KIFAP3: variants seen among roughly 807,000 people sequenced by gnomAD.
KIFAP3 encodes kinesin-associated protein 3.
Under a neutral mutation model 106.5 loss-of-function variants are expected in KIFAP3, and 68 were observed. The observed-to-expected ratio is 0.64, with a 90% CI of 0.53 to 0.78. The LOEUF is 0.78. Ranked by LOEUF, KIFAP3 falls within the 30% of genes least tolerant of loss-of-function variation. The pLI, the probability that KIFAP3 is intolerant of heterozygous loss-of-function variation, is 0.00. For missense variants in KIFAP3, 780 were observed against 941.8 expected (o/e 0.83, Z 2.25); for synonymous variants, 320 against 311.5 (o/e 1.03, Z -0.29).
chr1:169,975,906 C>T (rs1273334000), intron 16 of KIFAP3, among the ~76,000 whole-genome samples: 4 of 152,122 alleles, frequency 2.6e-5, no homozygotes, highest in Non-Finnish European at 5.9e-5. Flanking sequence ...GCACCATTAT[C>T]AACATGTTAT....
intron 17 of KIFAP3, among the ~76,000 whole-genome samples, chr1:169,970,244 A>G (rs1665839512): frequency 6.6e-6 from 1 of 151,978 alleles, no homozygotes; most frequent in African/African-American, 2.4e-5. Context: ...CTGCCTCCCC[A>G]AGCTACAAGT....
chr1:170,073,814 A>G (rs1290099238), intron 1 of KIFAP3, among the ~76,000 whole-genome samples: 2 of 152,170 alleles, frequency 1.3e-5, no homozygotes, highest in Non-Finnish European at 2.9e-5. Flanking sequence ...AAAAGAAATT[A>G]TGGCCTATTT....
At position 169,921,754 on chromosome 1, in the gene KIFAP3, T is replaced by C. The variant is rs375270125; in HGVS notation, c.2301A>G (p.Pro767=). Residue 767 remains proline (P), a synonymous_variant, in exon 20 of 20, where the codon CCA becomes CCG. Coordinates refer to ENST00000361580, the MANE Select transcript of KIFAP3 (RefSeq NM_014970.4). ...TGGCAGGGCGTCCAAGAATGCCAAC[T>C]GGTTGGCCAAAGCCATCCATTCCAA... is the stretch of plus-strand genomic sequence containing the variant. ...GSLGMDGFGQ[P]VGILGRPATA... 25 of 1,613,704 alleles carry C rather than the reference T, an allele frequency of 1.5e-5. No homozygotes were observed. Among genetic ancestry groups the C allele is most frequent in the African/African-American group, 2.7e-5 (2 of 74,896 alleles).
chr1:170,005,520 T>G (rs1406382338), intron 10 of KIFAP3, among the ~76,000 whole-genome samples: 2 of 152,000 alleles, frequency 1.3e-5, no homozygotes, highest in East Asian at 3.9e-4. Context: ...TGGAACACTA[T>G]GCAGCCATAA....
chr1:170,039,424 T>C (rs1669864153), intron 3 of KIFAP3, 136 bp from the exon 4 acceptor site: 1 of 546,382 alleles, frequency 1.8e-6, no homozygotes, highest in Non-Finnish European at 3.3e-6. Context: ...TAATCTCTTC[T>C]CAATGCATAA....
At chr1:170,066,990 TC>T (rs1671478863) in intron 1 of KIFAP3, among the ~76,000 whole-genome samples, 1 of 152,082 alleles carries the variant, frequency 6.6e-6, no homozygotes, top group Non-Finnish European at 1.5e-5. Flanking sequence ...AGAATAGTCA[TC>T]TTCAGAAAAA....
intron 19 of KIFAP3, among the ~76,000 whole-genome samples, chr1:169,941,166 G>C (rs1664086816): frequency 6.6e-6 from 1 of 152,124 alleles, no homozygotes; most frequent in South Asian, 2.1e-4. Context: ...AGTAGACATA[G>C]GTCTATTTGA....
chr1:170,081,335 G>T (rs1189521154), intron 1 of KIFAP3, among the ~76,000 whole-genome samples: 1 of 152,194 alleles, frequency 6.6e-6, no homozygotes, highest in African/African-American at 2.4e-5. Flanking sequence ...TAACCACAGT[G>T]AAATACACTA....
chr1:170,079,947 T>A (rs1038180322), intron 1 of KIFAP3, among the ~76,000 whole-genome samples: 8 of 152,068 alleles, frequency 5.3e-5, no homozygotes, highest in Admixed American at 2.6e-4. Context: ...GGTAGAATTA[T>A]CCCTACGTAT....
At chr1:170,042,392 T>A (rs1557858758) in intron 3 of KIFAP3, among the ~76,000 whole-genome samples, 1 of 152,166 alleles carries the variant, frequency 6.6e-6, no homozygotes, top group Non-Finnish European at 1.5e-5. Flanking sequence ...CATTTACCAG[T>A]CAGGTTCCTG....
rs771488313 is a variant in KIFAP3, at chr1:170,031,842, G to C, written c.841+44C>G. The C allele has an allele frequency of 1.5e-5, 18 of 1,182,584 alleles. No homozygotes were observed. The Admixed American group carries it at 3.0e-4, about 19-fold the overall frequency. 73.3% of individuals were successfully genotyped at this position (1,182,584 alleles called of 1,614,324 possible). ...AAAGTGAACAAAACAAATGTATTTGGAGTAAGTACTTTGTTGCTTTCCTCA... is the reference window on the plus strand; with the variant it reads ...AAAGTGAACAAAACAAATGTATTTGCAGTAAGTACTTTGTTGCTTTCCTCA... On this transcript the variant is annotated intron_variant, in intron 8 of 19. Transcript: ENST00000361580.
At chr1:170,013,911 G>A (rs907925293) in intron 10 of KIFAP3, among the ~76,000 whole-genome samples, 8 of 152,100 alleles carry the variant, frequency 5.3e-5, no homozygotes, top group African/African-American at 1.2e-4. Context: ...TCCCTGTTCC[G>A]TCACACTTCT....
intron 19 of KIFAP3, among the ~76,000 whole-genome samples, chr1:169,949,905 A>G (rs1349307218): frequency 6.6e-6 from 1 of 152,144 alleles, no homozygotes; most frequent in African/African-American, 2.4e-5. Flanking sequence ...TATCTATTTT[A>G]TCAAACATCC....
intron 11 of KIFAP3, among the ~76,000 whole-genome samples, chr1:169,989,663 A>G (rs1261215786): frequency 1.3e-5 from 2 of 152,060 alleles, no homozygotes; most frequent in African/African-American, 4.8e-5. Context: ...GCCTTGCTAG[A>G]TAAGATATGC....
At chr1:170,019,818 C>G (rs1668715917) in intron 9 of KIFAP3, among the ~76,000 whole-genome samples, 1 of 152,134 alleles carries the variant, frequency 6.6e-6, no homozygotes, top group Non-Finnish European at 1.5e-5. Flanking sequence ...CAACATCATA[C>G]TAGAGGGCAT....
intron 1 of KIFAP3, among the ~76,000 whole-genome samples, chr1:170,070,644 A>T (rs1436721929): frequency 1.3e-5 from 2 of 152,142 alleles, no homozygotes; most frequent in African/African-American, 4.8e-5. Context: ...GACCCTTGCC[A>T]TATACCATAG....
intron 14 of KIFAP3, 122 bp from the exon 15 acceptor site, chr1:169,982,219 C>A (rs1296859041): frequency 3.0e-6 from 3 of 1,000,476 alleles, no homozygotes; most frequent in Middle Eastern, 2.3e-4. Flanking sequence ...CATATGAATC[C>A]TTGATATGCT....
chr1:169,963,801 CT>C (rs1352498847), intron 17 of KIFAP3, among the ~76,000 whole-genome samples: 1 of 152,078 alleles, frequency 6.6e-6, no homozygotes, highest in Non-Finnish European at 1.5e-5. Flanking sequence ...GCCAGGACTT[CT>C]TTTCTAATAG....
intron 10 of KIFAP3, among the ~76,000 whole-genome samples, chr1:170,008,238 G>C (rs929738149): frequency 3.3e-5 from 5 of 151,568 alleles, no homozygotes; most frequent in African/African-American, 1.2e-4. Flanking sequence ...AACACCAAAA[G>C]CAACGGCAAC....
Sources: allele counts gnomAD v4.1 joint callset (sites outside exome capture counted in the v4.1 genomes callset), GRCh38; gene constraint gnomAD v4.1.1; transcripts MANE v1.5; gene names NCBI Gene and HGNC (gene_info 2026-07-23, HGNC 2026-07-21).